CUX1: variants seen among roughly 807,000 people sequenced by gnomAD.
CUX1 encodes the protein protein CASP.
CUX1 carries 31 observed loss-of-function variants against 158.8 expected under a neutral mutation model. The observed-to-expected ratio is 0.20, with a 90% confidence interval of 0.15 to 0.26. CUX1 has a LOEUF of 0.26. Ranked by LOEUF, CUX1 falls within the 10% of genes least tolerant of loss-of-function variation. The pLI, the probability that CUX1 is intolerant of heterozygous loss-of-function variation, is 1.00. For synonymous variants in CUX1, 879 were observed against 862.1 expected (o/e 1.02, Z -0.34); for missense variants, 1,589 against 2,014.6 (o/e 0.79, Z 4.04).
intron 20 of CUX1, among the ~76,000 whole-genome samples, chr7:102,205,509 C>T (rs1795860550): frequency 6.6e-6 from 1 of 152,158 alleles, no homozygotes; most frequent in Admixed American, 6.5e-5. Context: ...CACGGGCACA[C>T]GTCCCTCTCC....
At chr7:102,148,369 T>C (rs1278454399) in intron 8 of CUX1, among the ~76,000 whole-genome samples, 3 of 152,032 alleles carry the variant, frequency 2.0e-5, no homozygotes. Flanking sequence ...TGAAACCCCG[T>C]CTCTACTAAA....
chr7:102,224,725 C>T (rs763734450), intron 20 of CUX1, among the ~76,000 whole-genome samples: 4 of 152,160 alleles, frequency 2.6e-5, no homozygotes, highest in Non-Finnish European at 5.9e-5. Context: ...GCTTGCAAGG[C>T]GCACTGGAAG....
chr7:102,193,554 C>T (rs1001431739), intron 12 of CUX1, among the ~76,000 whole-genome samples: 1 of 152,154 alleles, frequency 6.6e-6, no homozygotes, highest in African/African-American at 2.4e-5. Flanking sequence ...CCTGTAATAC[C>T]AACACTTTGG....
rs544543436 is a variant in CUX1, at chr7:101,973,141, C to T, written c.142-54957C>T. The stretch of plus-strand genomic sequence containing the variant: ...TCCTTGCCCAGGTACCGGTATCCAT[C>T]AGAGCGTGATTGGGGTTTCAGCAGA... On this transcript the variant is annotated intron_variant, in intron 2 of 23. Transcript: ENST00000292535. Among the ~76,000 whole-genome samples the T allele has an allele frequency of 2.0e-4, 31 of 152,278 alleles. 1 individual carries two copies. The South Asian group carries it at 4.6e-3, about 22-fold the overall frequency.
intron 11 of CUX1, among the ~76,000 whole-genome samples, chr7:102,187,431 T>C (rs967365596): frequency 6.6e-6 from 1 of 152,082 alleles, no homozygotes; most frequent in Non-Finnish European, 1.5e-5. Context: ...CCTTGAGTAA[T>C]TGCTGTTATT....
At position 102,250,237 on chromosome 7, in the gene CUX1, C is replaced by G; in HGVS notation, c.*1195C>G. On this transcript the variant is annotated 3_prime_UTR_variant, in exon 24 of 24. Coordinates refer to ENST00000292535, the MANE Select transcript of CUX1 (RefSeq NM_181552.4). ...ATGGTGTCTCAATCTGTCTGTGCGT[C>G]TGCACGTGTGCAAGCATTGAAAGAA... 1.0e-6 allele frequency: 1 copy of G among 985,418 alleles called. No homozygotes were observed. The highest frequency in any genetic ancestry group is 1.2e-6 in the Non-Finnish European group (1 of 829,950). The allele number at this position is 985,418 out of a possible 1,614,324, so 61.0% of individuals were successfully genotyped here.
At chr7:102,169,332 G>A (rs1791467599) in intron 9 of CUX1, among the ~76,000 whole-genome samples, 1 of 152,010 alleles carries the variant, frequency 6.6e-6, no homozygotes, top group Non-Finnish European at 1.5e-5. Context: ...GCTTCCCAAA[G>A]TGCCAGGATT....
At chr7:101,860,353 A>G (rs1797309394) in intron 1 of CUX1, among the ~76,000 whole-genome samples, 1 of 152,190 alleles carries the variant, frequency 6.6e-6, no homozygotes, top group Non-Finnish European at 1.5e-5. Flanking sequence ...AAAGGACATC[A>G]TATTATTTTC....
chr7:102,243,373 AATATG>A (rs1378327586), intron 23 of CUX1, among the ~76,000 whole-genome samples: 1 of 152,180 alleles, frequency 6.6e-6, no homozygotes, highest in African/African-American at 2.4e-5. Context: ...GGCTGAGTCA[AATATG>A]GGATCCAAGA....
chr7:102,105,128 C>G (rs543907939), intron 6 of CUX1, among the ~76,000 whole-genome samples: 1 of 151,688 alleles, frequency 6.6e-6, no homozygotes. Context: ...AAGCCCTGGG[C>G]TAGTGCTAAA....
chr7:102,232,631 C>T (rs1418399524), intron 21 of CUX1, among the ~76,000 whole-genome samples: 2 of 152,168 alleles, frequency 1.3e-5, no homozygotes, highest in African/African-American at 4.8e-5. Context: ...TATCACTGAT[C>T]CTAATTTGTA....
chr7:102,208,972 GCT>G (rs1796236486), intron 20 of CUX1, among the ~76,000 whole-genome samples: 1 of 152,200 alleles, frequency 6.6e-6, no homozygotes, highest in Non-Finnish European at 1.5e-5. Context: ...TGGACAACTT[GCT>G]CAGCCAGCCA....
At chr7:102,030,689 G>GTGTTTTTTTTTTTTTTTTTTTTTTT (rs1554459461) in intron 3 of CUX1, among the ~76,000 whole-genome samples, 4 of 82,540 alleles carry the variant, frequency 4.8e-5, no homozygotes, top group Admixed American at 1.5e-4. Context: ...ATTTTAAAAA[G>GTGTTTTTTTTTTTTTTTTTTTTTTT]TGTTTTTTTT....
chr7:102,179,900 T>C (rs1334075409), intron 11 of CUX1, among the ~76,000 whole-genome samples: 4 of 152,226 alleles, frequency 2.6e-5, no homozygotes, highest in Admixed American at 2.0e-4. Context: ...AATGAGTGGC[T>C]GTAAAGTATA....
intron 2 of CUX1, among the ~76,000 whole-genome samples, chr7:101,987,103 C>A (rs900954531): frequency 6.6e-6 from 1 of 152,178 alleles, no homozygotes; most frequent in Admixed American, 6.5e-5. Context: ...GGAGCTCTGA[C>A]CTCGTCCGTC....
At position 102,248,963 on chromosome 7, in the gene CUX1, A is replaced by G; in HGVS notation, c.4439A>G (p.Lys1480Arg). ...DSRDNPLRKK[K>R]AANLNSIIHR... ...CGCGACAACCCCCTGCGCAAGAAGA[A>G]GGCCGCGAACTTGAACAGCATCATC... is the stretch of plus-strand genomic sequence containing the variant. Residue 1480 changes from lysine (K) to arginine (R), a missense_variant, in exon 24 of 24, where the codon AAG becomes AGG. Lys to Arg is a conservative substitution (Grantham distance 26, BLOSUM62 2). Transcript: ENST00000292535. This position sits in a 1 kb window ranked among gnomAD's most constrained non-coding sequence, Gnocchi z 5.8. 6.7e-7 allele frequency: 1 copy of G among 1,482,936 alleles called. No homozygotes were observed. The highest frequency in any genetic ancestry group is 9.0e-7 in the Non-Finnish European group (1 of 1,111,290). 91.9% of individuals were successfully genotyped at this position (1,482,936 alleles called of 1,614,324 possible).
chr7:102,216,274 C>T (rs912432259), intron 20 of CUX1, among the ~76,000 whole-genome samples: 1 of 152,010 alleles, frequency 6.6e-6, no homozygotes, highest in South Asian at 2.1e-4. Flanking sequence ...GCTGAGATCA[C>T]GCCACTGCAC....
intron 2 of CUX1, among the ~76,000 whole-genome samples, chr7:102,011,516 G>A (rs1169309294): frequency 6.6e-6 from 1 of 151,634 alleles, no homozygotes; most frequent in Non-Finnish European, 1.5e-5. Context: ...CCAAGTAGCT[G>A]GGATTACAGG....
upstream of CUX1, chr7:101,816,808 C>T (rs1045562936): frequency 1.3e-3 from 466 of 354,784 alleles, no homozygotes; most frequent in African/African-American, 0.011. Context: ...GGCGGGTGGC[C>T]GGGCAGGCGC....
Sources: gnomAD v4.1 joint callset for allele counts (sites outside exome capture counted in the v4.1 genomes callset) on GRCh38, gnomAD v4.1.1 for gene constraint, Gnocchi (gnomAD v3.1) non-coding constraint, MANE v1.5 for transcripts, NCBI Gene and HGNC (gene_info 2026-07-23, HGNC 2026-07-21) for gene names.